Variants in UNC5C observed in about 807,000 individuals in gnomAD.
The protein encoded by UNC5C is unc-5 netrin receptor C, also known as netrin receptor UNC5C.
A neutral mutation model predicts 99.8 loss-of-function variants in UNC5C; 47 were observed. The observed-to-expected ratio is 0.47, with a 90% CI of 0.37 to 0.60. The LOEUF (loss-of-function observed/expected upper bound fraction) is 0.60. Ranked by LOEUF, UNC5C falls within the 20% of genes least tolerant of loss-of-function variation. The pLI, the probability that UNC5C is intolerant of heterozygous loss-of-function variation, is 0.00. For missense variants in UNC5C, 1,062 were observed against 1,165.9 expected (o/e 0.91, Z 1.30); for synonymous variants, 487 against 452.2 (o/e 1.08, Z -0.98).
chr4:95,531,148 T>G (rs1560496142), intron 1 of UNC5C, among the ~76,000 whole-genome samples: 1 of 152,210 alleles, frequency 6.6e-6, no homozygotes, highest in Non-Finnish European at 1.5e-5. Context: ...TTCTTAAATT[T>G]TTCTTTGTTT....
intron 2 of UNC5C, among the ~76,000 whole-genome samples, chr4:95,306,127 T>C (rs1742052212): frequency 6.6e-6 from 1 of 152,222 alleles, no homozygotes; most frequent in Non-Finnish European, 1.5e-5. Context: ...GATATTATGC[T>C]AAGTTGCAGA....
At chr4:95,477,756 G>C (rs904869515) in intron 1 of UNC5C, among the ~76,000 whole-genome samples, 4 of 151,984 alleles carry the variant, frequency 2.6e-5, no homozygotes, top group Non-Finnish European at 5.9e-5. Context: ...TTTTCATGAA[G>C]AGCCATCTAG....
chr4:95,327,001 A>G (rs1485863283), intron 2 of UNC5C, among the ~76,000 whole-genome samples: 1 of 152,186 alleles, frequency 6.6e-6, no homozygotes, highest in Non-Finnish European at 1.5e-5. Flanking sequence ...CTGTCTTATC[A>G]TAGGATAACC....
intron 1 of UNC5C, among the ~76,000 whole-genome samples, chr4:95,394,653 G>GTGTTTGC (rs765252031): frequency 1.3e-5 from 2 of 150,220 alleles, no homozygotes; most frequent in Non-Finnish European, 3.0e-5. Context: ...GGTATTTGCT[G>GTGTTTGC]TGTGTGTGTG....
chr4:95,234,678 A>G (rs1310418711), intron 7 of UNC5C, among the ~76,000 whole-genome samples: 1 of 152,184 alleles, frequency 6.6e-6, no homozygotes, highest in Non-Finnish European at 1.5e-5. Context: ...TGGTGAAATA[A>G]CATCAATTTT....
chr4:95,334,435 A>T (rs1484739029), intron 2 of UNC5C, among the ~76,000 whole-genome samples: 1 of 151,994 alleles, frequency 6.6e-6, no homozygotes, highest in Non-Finnish European at 1.5e-5. Context: ...TGGCTTGAAA[A>T]TGTTGAATAA....
intron 1 of UNC5C, among the ~76,000 whole-genome samples, chr4:95,447,491 T>C (rs970384643): frequency 1.3e-5 from 2 of 152,170 alleles, no homozygotes; most frequent in Admixed American, 6.5e-5. Flanking sequence ...TGCCTAATTT[T>C]ATTATTTATT....
rs1231793490 is a variant in UNC5C at position 95,440,911 on chromosome 4, C to T, written c.125-105280G>A. ...CAAACATTAAGTAATTTTTATAATA[C>T]TCTTGGGAATTAACAATGCTATTTC... On this transcript the variant is annotated intron_variant, in intron 1 of 15. Coordinates refer to ENST00000453304, the MANE Select transcript of UNC5C (RefSeq NM_003728.4). Among the ~76,000 whole-genome samples, 3 of 152,124 alleles carry T rather than the reference C, an allele frequency of 2.0e-5. No homozygotes were observed. In the East Asian group the frequency reaches 5.8e-4, roughly 29 times the overall value.
At chr4:95,457,586 A>G (rs1426535292) in intron 1 of UNC5C, among the ~76,000 whole-genome samples, 1 of 152,074 alleles carries the variant, frequency 6.6e-6, no homozygotes, top group African/African-American at 2.4e-5. Flanking sequence ...GCCCGCATTT[A>G]ATGCTGTTAA....
chr4:95,275,165 C>T (rs935111765), intron 4 of UNC5C, among the ~76,000 whole-genome samples: 43 of 152,208 alleles, frequency 2.8e-4, no homozygotes, highest in African/African-American at 8.4e-4. Flanking sequence ...ATATTGTCTT[C>T]ATTTGTAGCG....
chr4:95,335,609 G>A lies in UNC5C; in HGVS notation c.147C>T (p.Leu49=), dbSNP rs1368947562. The A allele has an allele frequency of 2.5e-6, 4 of 1,607,130 alleles. No individual in the cohort carries two copies. The highest frequency in any genetic ancestry group is 3.4e-6 in the Non-Finnish European group (4 of 1,177,380). Residue 49 remains leucine (L), a synonymous_variant, in exon 2 of 16, where the codon CTC becomes CTT. Transcript: ENST00000453304. ...AAQDDDFFHE[L]PETFPSDPPE... is the part of the protein sequence containing the mutation. ...GTGGATCAGAAGGAAAAGTTTCTGG[G>A]AGTTCATGAAAAAAGTCATCATCTG...
At chr4:95,361,339 C>T (rs1301768861) in intron 1 of UNC5C, among the ~76,000 whole-genome samples, 13 of 152,146 alleles carry the variant, frequency 8.5e-5, no homozygotes, top group Admixed American at 5.2e-4. Context: ...AGGGCAGTCC[C>T]TTTAACTCTC....
intron 4 of UNC5C, among the ~76,000 whole-genome samples, chr4:95,266,320 GT>G (rs1740446144): frequency 1.3e-5 from 2 of 152,216 alleles, no homozygotes; most frequent in South Asian, 4.1e-4. Flanking sequence ...AGGAGAAAGT[GT>G]TTAGAAATCC....
At chr4:95,486,056 G>A (rs889238680) in intron 1 of UNC5C, among the ~76,000 whole-genome samples, 3 of 151,604 alleles carry the variant, frequency 2.0e-5, no homozygotes, top group Admixed American at 2.0e-4. Flanking sequence ...GCAACCTTTG[G>A]CTCAAATAAT....
intron 12 of UNC5C, among the ~76,000 whole-genome samples, chr4:95,192,340 CCTT>C (rs1441204259): frequency 1.1e-4 from 15 of 135,130 alleles, no homozygotes; most frequent in African/African-American, 3.6e-4. Context: ...CCCCTGCTCA[CCTT>C]CTCCCCTGCT....
At chr4:95,424,711 GACC>G in intron 1 of UNC5C, among the ~76,000 whole-genome samples, 1 of 151,362 alleles carries the variant, frequency 6.6e-6, no homozygotes, top group Non-Finnish European at 1.5e-5. Context: ...TTTTAGTAGA[GACC>G]AGGTTTCACT....
chr4:95,327,932 C>T (rs1170720794), intron 2 of UNC5C, among the ~76,000 whole-genome samples: 4 of 140,546 alleles, frequency 2.8e-5, no homozygotes, highest in African/African-American at 9.9e-5. Context: ...GTCACACTGA[C>T]TCTTCACGGA....
intron 12 of UNC5C, among the ~76,000 whole-genome samples, chr4:95,192,642 C>T (rs914942357): frequency 6.7e-6 from 1 of 149,760 alleles, no homozygotes; most frequent in East Asian, 2.0e-4. Context: ...CTCTCCTGCT[C>T]ACCTCTTCTG....
chr4:95,326,956 A>G (rs964364338), intron 2 of UNC5C, among the ~76,000 whole-genome samples: 4 of 152,246 alleles, frequency 2.6e-5, no homozygotes, highest in Non-Finnish European at 4.4e-5. Flanking sequence ...AGTCAGAGGT[A>G]TGTATAAAAG....
Sources: gnomAD v4.1 joint callset for allele counts (sites outside exome capture counted in the v4.1 genomes callset) on GRCh38, gnomAD v4.1.1 for gene constraint, MANE v1.5 for transcripts, NCBI Gene and HGNC (gene_info 2026-07-23, HGNC 2026-07-21) for gene names.